Variants in AFAP1L2 observed in about 807,000 individuals in gnomAD.
AFAP1L2 encodes actin filament-associated protein 1-like 2.
In AFAP1L2, 46 loss-of-function variants were observed where a neutral mutation model predicts 99.3. That is an observed-to-expected ratio of 0.46 (90% CI 0.37 to 0.59). The LOEUF is 0.59. Ranked by LOEUF, AFAP1L2 falls within the 20% of genes least tolerant of loss-of-function variation. The pLI is 0.00. For missense variants in AFAP1L2, 959 were observed against 1,034.9 expected, an observed-to-expected ratio of 0.93 and a Z score of 1.01; for synonymous variants, 397 against 419.1, an observed-to-expected ratio of 0.95 and a Z score of 0.64.
At position 114,297,511 on chromosome 10, in the gene AFAP1L2, A is replaced by G. The variant is rs2040442943; in HGVS notation, c.2114-98T>C. Reference sequence around the variant, plus strand: ...CAGGGTCTACATACCCCGCCACCCGAGAAGGACCACAGGTCTGGCCCCAAC... The same window carrying G: ...CAGGGTCTACATACCCCGCCACCCGGGAAGGACCACAGGTCTGGCCCCAAC... On this transcript the variant is annotated intron_variant, in intron 16 of 18. Transcript: ENST00000304129. The G allele has an allele frequency of 3.9e-6, 5 of 1,296,682 alleles. No individual in the cohort carries two copies. In the African/African-American group the frequency reaches 5.9e-5, roughly 15 times the overall value. 80.3% of individuals were successfully genotyped at this position (1,296,682 alleles called of 1,614,324 possible). A position where few individuals can be genotyped will look rare whatever the true frequency, so the allele number is the denominator to read the frequency against.
chr10:114,400,888 T>C (rs1475745030), intron 1 of AFAP1L2, among the ~76,000 whole-genome samples: 1 of 152,222 alleles, frequency 6.6e-6, no homozygotes, highest in Non-Finnish European at 1.5e-5. Flanking sequence ...TTAGAACTAC[T>C]GCCTTAGATA....
chr10:114,281,861 C>A, the AFAP1L2 span: 1 of 548,388 alleles, frequency 1.8e-6, no homozygotes, highest in African/African-American at 2.1e-5. Context: ...TGTCTGTGGT[C>A]ACACAGCCAA....
At chr10:114,296,094 C>A in intron 18 of AFAP1L2, 26 bp from the exon 19 acceptor site, 1 of 1,614,056 alleles carries the variant, frequency 6.2e-7, no homozygotes, top group Non-Finnish European at 8.5e-7. Flanking sequence ...AATACCAGCA[C>A]CCACCCCCCA....
At chr10:114,322,129 T>G (rs1330714556) in intron 5 of AFAP1L2, among the ~76,000 whole-genome samples, 1 of 152,212 alleles carries the variant, frequency 6.6e-6, no homozygotes, top group Non-Finnish European at 1.5e-5. Flanking sequence ...AAGACGTCTT[T>G]GCTCTTCGTC....
At chr10:114,284,660 C>A in the AFAP1L2 span, among the ~76,000 whole-genome samples, 1 of 152,226 alleles carries the variant, frequency 6.6e-6, no homozygotes, top group Non-Finnish European at 1.5e-5. Flanking sequence ...ACAGAGCATC[C>A]TTTACCACCC....
chr10:114,290,735 T>A, downstream of AFAP1L2, among the ~76,000 whole-genome samples: 1 of 152,114 alleles, frequency 6.6e-6, no homozygotes, highest in East Asian at 1.9e-4. Flanking sequence ...GGTACAGGGA[T>A]GTAGACGGAG....
At chr10:114,344,570 G>T (rs1466041456) in intron 1 of AFAP1L2, among the ~76,000 whole-genome samples, 2 of 152,212 alleles carry the variant, frequency 1.3e-5, no homozygotes, top group Non-Finnish European at 2.9e-5. Context: ...AAGCCAAAGG[G>T]TGGAAAGTGC....
chr10:114,365,739 C>A (rs1172696671), intron 1 of AFAP1L2, among the ~76,000 whole-genome samples: 3 of 106,340 alleles, frequency 2.8e-5, no homozygotes, highest in Non-Finnish European at 5.8e-5. Context: ...TTTTTTTTTT[C>A]TTCTGAGACA....
chr10:114,331,111 G>T (rs2047165815), intron 4 of AFAP1L2, among the ~76,000 whole-genome samples: 1 of 152,128 alleles, frequency 6.6e-6, no homozygotes, highest in African/African-American at 2.4e-5. Context: ...ACATGCAGCT[G>T]AGCCAGATCA....
At position 114,301,349 on chromosome 10, in the gene AFAP1L2, C is replaced by G; in HGVS notation, c.1542+5G>C. 1 of 1,612,880 alleles carries G rather than the reference C, an allele frequency of 6.2e-7. No individual in the cohort carries two copies. The highest frequency in any genetic ancestry group is 8.5e-7 in the Non-Finnish European group (1 of 1,178,830). On this transcript the variant is annotated splice_donor_5th_base_variant and intron_variant, in intron 13 of 18. Transcript: ENST00000304129. ...GCCCAGGCCACTGCCTGGCCGGGTC[C>G]TTACCGCAGCTGTGAGCTCTGACAG...
At chr10:114,289,900 G>A (rs2039387436), downstream of AFAP1L2, 1 of 317,622 alleles carries the variant, frequency 3.1e-6, no homozygotes, top group Admixed American at 4.4e-5. Context: ...AAAGAGACAG[G>A]AGAATCACTT....
chr10:114,404,995 C>T (rs897540858), upstream of AFAP1L2, among the ~76,000 whole-genome samples: 4 of 152,192 alleles, frequency 2.6e-5, no homozygotes, highest in Non-Finnish European at 5.9e-5. Context: ...CCTAGGCCTT[C>T]CTGGAGGGGC....
intron 2 of AFAP1L2, among the ~76,000 whole-genome samples, chr10:114,335,444 C>G (rs563400484): frequency 6.6e-6 from 1 of 152,110 alleles, no homozygotes; most frequent in East Asian, 1.9e-4. Flanking sequence ...AACCCCATCT[C>G]TACTAAAAAA....
chr10:114,356,502 C>T (rs1182189472), intron 1 of AFAP1L2, among the ~76,000 whole-genome samples: 5 of 152,138 alleles, frequency 3.3e-5, no homozygotes, highest in Non-Finnish European at 7.3e-5. Context: ...TTAAAATTAA[C>T]TTCATCTATT....
intron 18 of AFAP1L2, 187 bp from the exon 19 acceptor site, chr10:114,296,255 G>A: frequency 1.4e-6 from 1 of 734,038 alleles, no homozygotes; most frequent in Non-Finnish European, 2.3e-6. Flanking sequence ...TTGAGACTGT[G>A]GCACAACAGC....
At position 114,331,787 on chromosome 10, in the gene AFAP1L2, C is replaced by A. The variant is rs750173582; in HGVS notation, c.315+16G>T. 7.3e-7 allele frequency: 1 copy of A among 1,366,580 alleles called. No homozygotes were observed. The highest frequency in any genetic ancestry group is 9.5e-7 in the Non-Finnish European group (1 of 1,053,516). The allele number at this position is 1,366,580 out of a possible 1,614,324, so 84.7% of individuals were successfully genotyped here. On this transcript the variant is annotated intron_variant, in intron 4 of 18. Coordinates refer to ENST00000304129, the MANE Select transcript of AFAP1L2 (RefSeq NM_001001936.3). ...GCTCACGTCAGGGAAATCAGGGGTCCTGAACTGATGCTTACCATCTTGGGT... is the reference window on the plus strand; with the variant it reads ...GCTCACGTCAGGGAAATCAGGGGTCATGAACTGATGCTTACCATCTTGGGT...
At chr10:114,401,336 G>A (rs1440909624) in intron 1 of AFAP1L2, among the ~76,000 whole-genome samples, 1 of 152,180 alleles carries the variant, frequency 6.6e-6, no homozygotes, top group Non-Finnish European at 1.5e-5. Context: ...CACCAGCTGG[G>A]AGAGCAGTCA....
chr10:114,339,041 G>A (rs528018044), intron 2 of AFAP1L2, among the ~76,000 whole-genome samples: 1 of 152,336 alleles, frequency 6.6e-6, no homozygotes, highest in East Asian at 1.9e-4. Context: ...CAGCCTCACA[G>A]GGATGTCTTA....
At chr10:114,349,383 C>CAAA (rs113553514) in intron 1 of AFAP1L2, among the ~76,000 whole-genome samples, 91 of 86,192 alleles carry the variant, frequency 1.1e-3, no homozygotes, top group South Asian at 3.2e-3. Flanking sequence ...AACTCGGTCT[C>CAAA]AAAAAAAAAA....
Sources: allele counts gnomAD v4.1 joint callset (sites outside exome capture counted in the v4.1 genomes callset), GRCh38; gene constraint gnomAD v4.1.1; transcripts MANE v1.5; gene names NCBI Gene and HGNC (gene_info 2026-07-23, HGNC 2026-07-21).